Variants in ABR observed in about 807,000 individuals in gnomAD.
ABR encodes the protein active breakpoint cluster region-related protein.
A neutral mutation model predicts 107.2 loss-of-function variants in ABR; 35 were observed. That is an observed-to-expected ratio of 0.33 (90% CI 0.25 to 0.43). The LOEUF (loss-of-function observed/expected upper bound fraction) is 0.43, where lower values mean the gene tolerates loss of function less well. Among genes scored for constraint, ABR ranks in the 20% least tolerant of loss-of-function variants. ABR has a pLI of 1.00. For missense variants in ABR, 815 were observed against 1,115.2 expected, an observed-to-expected ratio of 0.73 and a Z score of 3.83; for synonymous variants, 498 against 462.0, an observed-to-expected ratio of 1.08 and a Z score of -1.00.
chr17:1,075,573 G>A (rs1316759080), intron 6 of ABR, among the ~76,000 whole-genome samples: 1 of 136,338 alleles, frequency 7.3e-6, no homozygotes, highest in Non-Finnish European at 1.5e-5. Flanking sequence ...TGGGGGAGCG[G>A]TTAAAAGATA....
intron 1 of ABR, among the ~76,000 whole-genome samples, chr17:1,140,432 G>A (rs2040242204): frequency 6.6e-6 from 1 of 152,196 alleles, no homozygotes; most frequent in Admixed American, 6.5e-5. Flanking sequence ...CAGGGAACTG[G>A]CCAGCGGAAG....
intron 1 of ABR, among the ~76,000 whole-genome samples, chr17:1,127,904 C>T (rs750397959): frequency 6.6e-6 from 1 of 152,190 alleles, no homozygotes; most frequent in African/African-American, 2.4e-5. Context: ...CTGGATGTTC[C>T]GCGGGGAGGC....
chr17:1,069,650 C>T (rs1165503556), intron 9 of ABR, among the ~76,000 whole-genome samples: 1 of 152,000 alleles, frequency 6.6e-6, no homozygotes, highest in Non-Finnish European at 1.5e-5. Context: ...CCAGCCTGGG[C>T]AACAGAGCAA....
In ABR at chr17:1,027,641, C is replaced by A. The variant is rs2072307381; in HGVS notation, c.1792-14477G>T. Among the ~76,000 whole-genome samples, 1 of 151,904 alleles carries A rather than the reference C, an allele frequency of 6.6e-6. No individual in the cohort carries two copies. Among genetic ancestry groups the A allele is most frequent in the Non-Finnish European group, 1.5e-5 (1 of 67,994 alleles). On this transcript the variant is annotated intron_variant, in intron 16 of 22. Transcript: ENST00000302538. The surrounding 1 kb of genome is among the most constrained non-coding windows in gnomAD (Gnocchi z 4.7). ...ACCTGTCAGCCAGCCTGGCCGCAGTCAGGACCCACACATAGGCCCAGGAAG... is the reference window on the plus strand; with the variant it reads ...ACCTGTCAGCCAGCCTGGCCGCAGTAAGGACCCACACATAGGCCCAGGAAG...
At chr17:1,058,625 C>G (rs2033605046) in intron 11 of ABR, 120 bp downstream of exon 11, 3 of 1,324,480 alleles carry the variant, frequency 2.3e-6, no homozygotes, top group Admixed American at 5.5e-5. Context: ...GCCATGGCAG[C>G]CTCCTCAGGA....
At chr17:1,174,167 C>T (rs1250558659) in intron 1 of ABR, among the ~76,000 whole-genome samples, 2 of 152,292 alleles carry the variant, frequency 1.3e-5, no homozygotes, top group Non-Finnish European at 2.9e-5. Context: ...TTCCTTTTCC[C>T]GAAGAACAAC....
At chr17:1,040,536 C>T (rs1421669084) in intron 16 of ABR, among the ~76,000 whole-genome samples, 2 of 152,246 alleles carry the variant, frequency 1.3e-5, no homozygotes, top group African/African-American at 4.8e-5. Flanking sequence ...CAGTCTGACC[C>T]CATCAGCTTA....
At chr17:1,204,986 C>T (rs562035979) in intron 1 of ABR, among the ~76,000 whole-genome samples, 36 of 147,920 alleles carry the variant, frequency 2.4e-4, no homozygotes, top group Non-Finnish European at 4.3e-4. Flanking sequence ...TCACTGCATC[C>T]TCTGCCTCCT....
rs773552612 is a variant in ABR at position 1,179,620 on chromosome 17, G to C, written c.61+47C>G. 6.8e-7 allele frequency: 1 copy of C among 1,465,096 alleles called. No individual in the cohort carries two copies. Among genetic ancestry groups the C allele is most frequent in the East Asian group, 2.8e-5 (1 of 35,328 alleles). 90.8% of individuals were successfully genotyped at this position (1,465,096 alleles called of 1,614,324 possible). A position where few individuals can be genotyped will look rare whatever the true frequency, so the allele number is the denominator to read the frequency against. ...CCTGGGGTCCCGATCTCCATCCTGG[G>C]GTCCCGATCCCGATCCTGGGGTCCC... On this transcript the variant is annotated intron_variant, in intron 1 of 22. Transcript: ENST00000302538. This position sits in a 1 kb window ranked among gnomAD's most constrained non-coding sequence, Gnocchi z 4.9.
chr17:1,021,979 C>T (rs1437076252), intron 16 of ABR, among the ~76,000 whole-genome samples: 1 of 150,656 alleles, frequency 6.6e-6, no homozygotes, highest in African/African-American at 2.5e-5. Flanking sequence ...GCCAACCTGA[C>T]GAAACCCCAT....
At chr17:1,206,106 C>G (rs767264899) in intron 1 of ABR, among the ~76,000 whole-genome samples, 1 of 152,026 alleles carries the variant, frequency 6.6e-6, no homozygotes, top group African/African-American at 2.4e-5. Context: ...CAGAAGGAGA[C>G]TCCGTCTCAA....
At chr17:1,223,483 A>AG (rs1466556377) in intron 1 of ABR, among the ~76,000 whole-genome samples, 4 of 152,326 alleles carry the variant, frequency 2.6e-5, no homozygotes, top group African/African-American at 7.2e-5. Flanking sequence ...CCTGGAAGCC[A>AG]GACTGCCTGG....
chr17:1,005,378 G>C lies in ABR; in HGVS notation c.*702C>G. 2.6e-6 allele frequency: 1 copy of C among 385,176 alleles called. No homozygotes were observed. Among genetic ancestry groups the C allele is most frequent in the Non-Finnish European group, 4.6e-6 (1 of 218,014 alleles). 23.9% of individuals were successfully genotyped at this position (385,176 alleles called of 1,614,324 possible). ...CGCTCCAGCTCTGTGCTAAGCTGGG[G>C]ACGAGTGTGAGTGTGTCTGCTTGTC... On this transcript the variant is annotated 3_prime_UTR_variant, in exon 23 of 23. Coordinates refer to ENST00000302538, the MANE Select transcript of ABR (RefSeq NM_021962.5).
chr17:1,172,749 CA>C (rs560838752), intron 1 of ABR, among the ~76,000 whole-genome samples: 4 of 145,106 alleles, frequency 2.8e-5, no homozygotes, highest in East Asian at 2.0e-4. Context: ...GACTCCATCT[CA>C]AAAAAAAAAG....
intron 1 of ABR, among the ~76,000 whole-genome samples, chr17:1,226,605 C>G (rs2043221943): frequency 6.6e-6 from 1 of 150,412 alleles, no homozygotes; most frequent in African/African-American, 2.5e-5. Context: ...TGCACATGTA[C>G]ATATGCAGGT....
intron 16 of ABR, among the ~76,000 whole-genome samples, chr17:1,013,718 A>C (rs2070864220): frequency 6.6e-6 from 1 of 152,202 alleles, no homozygotes; most frequent in Non-Finnish European, 1.5e-5. Flanking sequence ...TCTGCAACAG[A>C]ACCTGCCTCC....
At chr17:1,172,081 G>T (rs904714039) in intron 1 of ABR, among the ~76,000 whole-genome samples, 13 of 152,236 alleles carry the variant, frequency 8.5e-5, no homozygotes, top group Non-Finnish European at 8.8e-5. Flanking sequence ...GGTCTAGTGT[G>T]TGTGGGGAGG....
intron 1 of ABR, among the ~76,000 whole-genome samples, chr17:1,195,532 C>T (rs1954072472): frequency 6.6e-6 from 1 of 152,112 alleles, no homozygotes; most frequent in Admixed American, 6.5e-5. Context: ...ATTGGCTGGG[C>T]AGTGGCTCAC....
Position 1,179,578 on chromosome 17 carries a change from G to C in ABR, c.61+89C>G. 1.5e-6 allele frequency: 2 copies of C among 1,314,812 alleles called. No individual in the cohort carries two copies. Among genetic ancestry groups the C allele is most frequent in the South Asian group, 1.7e-5 (1 of 59,574 alleles). The allele number at this position is 1,314,812 out of a possible 1,614,324, so 81.4% of individuals were successfully genotyped here. On this transcript the variant is annotated intron_variant, in intron 1 of 22. Transcript: ENST00000302538. The surrounding 1 kb of genome is among the most constrained non-coding windows in gnomAD (Gnocchi z 4.9). ...GTGCCTGGGTCCCGATCCCGATCTT[G>C]GGGTCCCGATCCCGATCCTGGGGTC...
Sources: allele counts gnomAD v4.1 joint callset (sites outside exome capture counted in the v4.1 genomes callset), GRCh38; gene constraint gnomAD v4.1.1; non-coding constraint Gnocchi (gnomAD v3.1); transcripts MANE v1.5; gene names NCBI Gene and HGNC (gene_info 2026-07-23, HGNC 2026-07-21).